COP1: variants seen among roughly 807,000 people sequenced by gnomAD.
COP1 encodes the protein COP1 E3 ubiquitin ligase, also known as E3 ubiquitin-protein ligase COP1.
In COP1, 24 loss-of-function variants were observed where a neutral mutation model predicts 101.3. That is an observed-to-expected ratio of 0.24 (90% CI 0.17 to 0.33). The LOEUF (loss-of-function observed/expected upper bound fraction) is 0.33. COP1 is among the 10% of genes least tolerant of loss of function. The pLI is 1.00. For synonymous variants in COP1, 347 were observed against 341.9 expected (o/e 1.01, Z -0.17); for missense variants, 663 against 906.2 (o/e 0.73, Z 3.45).
chr1:176,189,662 A>T lies in COP1; in HGVS notation c.408-4970T>A, dbSNP rs1017433570. Among the ~76,000 whole-genome samples the T allele has an allele frequency of 2.0e-5, 3 of 151,986 alleles. No homozygotes were observed. The East Asian group carries it at 5.8e-4, about 29-fold the overall frequency. ...ATGTACACAAATAAAGAGCTCTAAAAATAGTAATGATGAACATAAATACAA... is the reference window on the plus strand; with the variant it reads ...ATGTACACAAATAAAGAGCTCTAAATATAGTAATGATGAACATAAATACAA... On this transcript the variant is annotated intron_variant, in intron 1 of 19. Coordinates refer to ENST00000367669, the MANE Select transcript of COP1 (RefSeq NM_022457.7).
At chr1:176,082,196 A>C (rs1284044176) in intron 10 of COP1, among the ~76,000 whole-genome samples, 1 of 152,188 alleles carries the variant, frequency 6.6e-6, no homozygotes, top group Non-Finnish European at 1.5e-5. Flanking sequence ...TGAAAAAAAC[A>C]ATGAGCACTT....
At chr1:176,022,690 A>T (rs936171990) in intron 15 of COP1, among the ~76,000 whole-genome samples, 1 of 152,212 alleles carries the variant, frequency 6.6e-6, no homozygotes, top group African/African-American at 2.4e-5. Flanking sequence ...CAATGAATTA[A>T]GCACTATTGG....
chr1:176,154,550 A>G (rs1285272043), intron 5 of COP1, among the ~76,000 whole-genome samples: 3 of 152,140 alleles, frequency 2.0e-5, no homozygotes, highest in African/African-American at 7.2e-5. Flanking sequence ...ACCAAATACC[A>G]CATGTTCTCA....
chr1:176,004,469 T>C (rs2148891663), intron 15 of COP1, among the ~76,000 whole-genome samples: 1 of 133,908 alleles, frequency 7.5e-6, no homozygotes, highest in South Asian at 2.7e-4. Context: ...GCCCATTCAG[T>C]ATGATAATGG....
chr1:176,093,655 C>T (rs933621776), intron 9 of COP1, among the ~76,000 whole-genome samples: 25 of 151,934 alleles, frequency 1.6e-4, no homozygotes, highest in Non-Finnish European at 2.4e-4. Context: ...CTGGCTAACA[C>T]GGTGAAACCC....
chr1:176,168,486 AAGGGAGGGAAGAAGGAAGGG>A (rs1443138387), intron 3 of COP1, among the ~76,000 whole-genome samples: 11 of 85,048 alleles, frequency 1.3e-4, no homozygotes, highest in African/African-American at 4.4e-4. Context: ...GGAAGGCAGG[AAGGGAGGGAAGAAGGAAGGG>A]AGGGAGGGAG....
chr1:176,123,887 T>C (rs1384385878), intron 8 of COP1, among the ~76,000 whole-genome samples: 1 of 152,160 alleles, frequency 6.6e-6, no homozygotes, highest in African/African-American at 2.4e-5. Context: ...TCTTCCCATA[T>C]TTTCTAAAGT....
intron 1 of COP1, among the ~76,000 whole-genome samples, chr1:176,184,989 T>A (rs75880053): frequency 6.6e-6 from 1 of 152,122 alleles, no homozygotes; most frequent in Non-Finnish European, 1.5e-5. Flanking sequence ...AGTAGTACAA[T>A]GCAGTCACCA....
chr1:176,017,164 A>G (rs1033164899), intron 15 of COP1: 6 of 152,206 alleles, frequency 3.9e-5, no homozygotes, highest in African/African-American at 7.2e-5. Flanking sequence ...TTAGTAAAGA[A>G]AGCATAAAAT....
At chr1:175,964,139 GT>G (rs2148553616) in intron 18 of COP1, among the ~76,000 whole-genome samples, 1 of 152,186 alleles carries the variant, frequency 6.6e-6, no homozygotes, top group East Asian at 1.9e-4. Flanking sequence ...GCACAGAAAG[GT>G]TAAATAACTT....
intron 14 of COP1, among the ~76,000 whole-genome samples, chr1:176,034,797 G>C (rs1223833650): frequency 6.6e-6 from 1 of 152,180 alleles, no homozygotes; most frequent in African/African-American, 2.4e-5. Context: ...GCTCTAACTG[G>C]CATGGGCATT....
chr1:176,069,138 T>C (rs1344847360), intron 11 of COP1, among the ~76,000 whole-genome samples: 1 of 151,728 alleles, frequency 6.6e-6, no homozygotes, highest in African/African-American at 2.4e-5. Flanking sequence ...TAAATCAGGA[T>C]TGCACGACTG....
intron 8 of COP1, among the ~76,000 whole-genome samples, chr1:176,124,081 C>G (rs1005059395): frequency 6.6e-6 from 1 of 152,142 alleles, no homozygotes; most frequent in Non-Finnish European, 1.5e-5. Flanking sequence ...TTATCATCAT[C>G]ATCAAGCAGT....
At chr1:176,142,757 T>C (rs1558193498) in intron 6 of COP1, among the ~76,000 whole-genome samples, 5 of 151,778 alleles carry the variant, frequency 3.3e-5, no homozygotes, top group Admixed American at 2.0e-4. Flanking sequence ...TAATAAGACA[T>C]TTGTTTCTAA....
intron 5 of COP1, among the ~76,000 whole-genome samples, chr1:176,157,001 C>T (rs914555971): frequency 3.9e-5 from 6 of 152,030 alleles, no homozygotes; most frequent in African/African-American, 1.4e-4. Flanking sequence ...AGTTCGAGAC[C>T]AGCCTGGTCA....
chr1:176,180,872 A>C (rs571472329), intron 2 of COP1, among the ~76,000 whole-genome samples: 1 of 152,324 alleles, frequency 6.6e-6, no homozygotes, highest in South Asian at 2.1e-4. Flanking sequence ...AAGAGTCTCA[A>C]AAGGCAATTT....
chr1:176,019,582 C>T (rs1666349209), intron 15 of COP1, among the ~76,000 whole-genome samples: 1 of 151,150 alleles, frequency 6.6e-6, no homozygotes, highest in Admixed American at 6.6e-5. Flanking sequence ...CTAACAGGGC[C>T]TGGCACGGTG....
At chr1:176,201,786 G>A (rs1386911462) in intron 1 of COP1, among the ~76,000 whole-genome samples, 1 of 152,144 alleles carries the variant, frequency 6.6e-6, no homozygotes, top group Non-Finnish European at 1.5e-5. Context: ...GATAAAATAT[G>A]ACATCATCTC....
At chr1:175,965,108 T>C (rs1420691664) in intron 18 of COP1, among the ~76,000 whole-genome samples, 1 of 152,174 alleles carries the variant, frequency 6.6e-6, no homozygotes, top group Non-Finnish European at 1.5e-5. Flanking sequence ...TTTTTCTGTC[T>C]TCAGGGTGGG....
Sources: allele counts gnomAD v4.1 joint callset (sites outside exome capture counted in the v4.1 genomes callset), GRCh38; gene constraint gnomAD v4.1.1; transcripts MANE v1.5; gene names NCBI Gene and HGNC (gene_info 2026-07-23, HGNC 2026-07-21).